Variants in MACROD2 observed in about 807,000 individuals in gnomAD.
MACROD2 encodes ADP-ribose glycohydrolase MACROD2.
Under a neutral mutation model 70.4 loss-of-function variants are expected in MACROD2, and 36 were observed. The ratio of observed to expected loss-of-function variants is 0.51; its 90% CI spans 0.39 to 0.68. MACROD2 has a LOEUF of 0.68. MACROD2 is among the 30% of genes least tolerant of loss of function. The probability of loss-of-function intolerance (pLI) is 0.00; values close to 1 mark genes in which losing one functional copy is unlikely to be tolerated. For synonymous variants in MACROD2, 172 were observed against 178.8 expected, an observed-to-expected ratio of 0.96 and a Z score of 0.30; for missense variants, 496 against 538.4, an observed-to-expected ratio of 0.92 and a Z score of 0.78.
At chr20:14,896,848 A>G in intron 5 of MACROD2, among the ~76,000 whole-genome samples, 1 of 145,452 alleles carries the variant, frequency 6.9e-6, no homozygotes, top group South Asian at 2.2e-4. Flanking sequence ...GTTTTTAATC[A>G]CCTTCAAAAA....
chr20:14,971,895 C>T (rs549553997), intron 5 of MACROD2, among the ~76,000 whole-genome samples: 27 of 152,266 alleles, frequency 1.8e-4, no homozygotes, highest in African/African-American at 6.3e-4. Flanking sequence ...ATGCCTAGAC[C>T]CAGGTAGCCT....
Position 15,431,454 on chromosome 20 carries a change from G to A in MACROD2, c.571+19G>A. The A allele has an allele frequency of 6.2e-7, 1 of 1,607,018 alleles. No homozygotes were observed. On this transcript the variant is annotated intron_variant, in intron 7 of 17. Coordinates refer to ENST00000684519, the MANE Select transcript of MACROD2 (RefSeq NM_001351661.2). Reference sequence around the variant, plus strand: ...ATTTATGGTAAGTGATACAGCTTTTGATGATGTTTGTATTTCTTTATTTTG... The same window carrying A: ...ATTTATGGTAAGTGATACAGCTTTTAATGATGTTTGTATTTCTTTATTTTG...
intron 3 of MACROD2, chr20:14,323,581 G>T (rs551117678): frequency 6.6e-6 from 1 of 152,174 alleles, no homozygotes; most frequent in Non-Finnish European, 1.5e-5. Flanking sequence ...AGGGTTTGGG[G>T]TTGTAAGTCC....
chr20:15,041,073 G>C (rs553457561), intron 5 of MACROD2, among the ~76,000 whole-genome samples: 49 of 152,162 alleles, frequency 3.2e-4, no homozygotes, highest in African/African-American at 1.2e-3. Flanking sequence ...CATGATGATT[G>C]GTTTTTATAA....
At chr20:14,569,224 T>C (rs1039877316) in intron 4 of MACROD2, among the ~76,000 whole-genome samples, 2 of 152,014 alleles carry the variant, frequency 1.3e-5, no homozygotes, top group Non-Finnish European at 2.9e-5. Flanking sequence ...ATGCTGCATT[T>C]TTAGAGACAA....
intron 6 of MACROD2, among the ~76,000 whole-genome samples, chr20:15,310,589 T>G (rs572633088): frequency 2.0e-5 from 3 of 152,168 alleles, no homozygotes; most frequent in Non-Finnish European, 4.4e-5. Flanking sequence ...TTTAAGGAAG[T>G]GTTAATCAGC....
intron 5 of MACROD2, among the ~76,000 whole-genome samples, chr20:14,861,660 CTG>C (rs2073319007): frequency 6.6e-6 from 1 of 151,788 alleles, no homozygotes; most frequent in Admixed American, 6.6e-5. Context: ...CAAACAGCCT[CTG>C]TCCCTCCCAC....
At chr20:14,934,071 A>G (rs2074319400) in intron 5 of MACROD2, 1 of 152,338 alleles carries the variant, frequency 6.6e-6, no homozygotes, top group Admixed American at 6.5e-5. Flanking sequence ...ATTCCAGGCC[A>G]TCTGGCCCTC....
chr20:15,035,865 T>C (rs2075308836), intron 5 of MACROD2, among the ~76,000 whole-genome samples: 1 of 152,196 alleles, frequency 6.6e-6, no homozygotes, highest in African/African-American at 2.4e-5. Context: ...TCTCTGGCAC[T>C]GCCAGCCCTG....
At chr20:15,367,859 T>C (rs895666979) in intron 6 of MACROD2, among the ~76,000 whole-genome samples, 2 of 152,168 alleles carry the variant, frequency 1.3e-5, no homozygotes, top group African/African-American at 2.4e-5. Context: ...TTTGTCATAA[T>C]TGCAATGAGA....
At chr20:15,780,361 C>T (rs918963464) in intron 8 of MACROD2, among the ~76,000 whole-genome samples, 2 of 152,036 alleles carry the variant, frequency 1.3e-5, no homozygotes, top group Admixed American at 1.3e-4. Flanking sequence ...GATAGTTAAG[C>T]TGAGTCCTGA....
In MACROD2 at chr20:14,688,746, G is replaced by T. The variant is rs114196589; in HGVS notation, c.418+3787G>T. ...TTTCTATTCATGCTATCATCATTCC[G>T]CCAAGTAGTCAGCTTCACATAGGCA... On this transcript the variant is annotated intron_variant, in intron 5 of 17. Transcript: ENST00000684519. 2.9e-3 allele frequency among the ~76,000 whole-genome samples: 435 copies of T among 152,032 alleles called. 2 individuals are homozygous for T. Among genetic ancestry groups the T allele is most frequent in the African/African-American group, 9.8e-3 (405 of 41,456 alleles).
intron 5 of MACROD2, among the ~76,000 whole-genome samples, chr20:15,026,234 G>T (rs2075230517): frequency 6.6e-6 from 1 of 152,102 alleles, no homozygotes; most frequent in South Asian, 2.1e-4. Flanking sequence ...ATTTACCATT[G>T]TTTAAGGTTA....
At chr20:15,701,394 A>G (rs959406025) in intron 8 of MACROD2, among the ~76,000 whole-genome samples, 1 of 152,218 alleles carries the variant, frequency 6.6e-6, no homozygotes, top group African/African-American at 2.4e-5. Context: ...GTTATAAGAG[A>G]ACATCTTAAT....
intron 8 of MACROD2, among the ~76,000 whole-genome samples, chr20:15,561,578 G>A (rs2048244477): frequency 6.6e-6 from 1 of 152,058 alleles, no homozygotes; most frequent in Admixed American, 6.6e-5. Flanking sequence ...CTTCAGTAGG[G>A]TATTTTCCTT....
At chr20:15,702,671 A>T (rs899786662) in intron 8 of MACROD2, among the ~76,000 whole-genome samples, 1 of 152,158 alleles carries the variant, frequency 6.6e-6, no homozygotes, top group African/African-American at 2.4e-5. Context: ...TTTTTAGTTT[A>T]ATTAGATCCC....
intron 4 of MACROD2, among the ~76,000 whole-genome samples, chr20:14,548,861 A>G (rs768807262): frequency 2.4e-4 from 37 of 152,258 alleles, no homozygotes; most frequent in Non-Finnish European, 5.1e-4. Context: ...ATGAGGCTAA[A>G]AAAAGGGTGA....
chr20:14,561,125 G>A (rs892961633), intron 4 of MACROD2, among the ~76,000 whole-genome samples: 12 of 151,708 alleles, frequency 7.9e-5, no homozygotes, highest in African/African-American at 2.7e-4. Context: ...TCTAGATAGA[G>A]GTATATGGAG....
At chr20:14,312,514 A>G (rs1463555048) in intron 3 of MACROD2, among the ~76,000 whole-genome samples, 3 of 152,164 alleles carry the variant, frequency 2.0e-5, no homozygotes, top group Non-Finnish European at 4.4e-5. Context: ...GCACTATTCT[A>G]ATGTTTTTCA....
Sources: allele counts gnomAD v4.1 joint callset (sites outside exome capture counted in the v4.1 genomes callset), GRCh38; gene constraint gnomAD v4.1.1; transcripts MANE v1.5; gene names NCBI Gene and HGNC (gene_info 2026-07-23, HGNC 2026-07-21).